Variants in BRIP1 observed in about 807,000 individuals in gnomAD.
BRIP1 encodes BRCA1 interacting DNA helicase 1.
A neutral mutation model predicts 119.7 loss-of-function variants in BRIP1; 88 were observed. That is an observed-to-expected ratio of 0.74 (90% confidence interval 0.62 to 0.88). The LOEUF (loss-of-function observed/expected upper bound fraction) is 0.88, where lower values mean the gene tolerates loss of function less well. Ranked by LOEUF, BRIP1 falls within the 40% of genes least tolerant of loss-of-function variation. BRIP1 has a pLI of 0.00. For missense variants in BRIP1, 1,259 were observed against 1,455.4 expected (o/e 0.87, Z 2.20); for synonymous variants, 443 against 496.5 (o/e 0.89, Z 1.43).
intron 10 of BRIP1, among the ~76,000 whole-genome samples, chr17:61,788,078 T>C: frequency 6.6e-6 from 1 of 152,200 alleles, no homozygotes; most frequent in South Asian, 2.1e-4. Flanking sequence ...AATATGGTTA[T>C]CTACATGGAA....
intron 17 of BRIP1, among the ~76,000 whole-genome samples, chr17:61,707,761 G>T (rs1449855811): frequency 6.6e-6 from 1 of 151,846 alleles, no homozygotes; most frequent in African/African-American, 2.4e-5. Context: ...TCCTATCTGG[G>T]GGTTGGCAAA....
At chr17:61,800,952 G>GT (rs1257063808) in intron 8 of BRIP1, among the ~76,000 whole-genome samples, 1 of 152,110 alleles carries the variant, frequency 6.6e-6, no homozygotes, top group Non-Finnish European at 1.5e-5. Flanking sequence ...TCAAAACATA[G>GT]TTTTTTCAGA....
chr17:61,744,835 T>C lies in BRIP1; in HGVS notation c.2098-244A>G, dbSNP rs1297557361. 6.6e-6 allele frequency among the ~76,000 whole-genome samples: 1 copy of C among 150,894 alleles called. No individual in the cohort carries two copies. The highest frequency in any genetic ancestry group is 6.6e-5 in the Admixed American group (1 of 15,152). On this transcript the variant is annotated intron_variant, in intron 14 of 19. Transcript: ENST00000259008. The surrounding 1 kb of genome is among the most constrained non-coding windows in gnomAD (Gnocchi z 5.0). ...TGCTGCTGCTACTACTACTATTATCTTGGCAATTTCTACCACTACTACTGC... is the reference window on the plus strand; with the variant it reads ...TGCTGCTGCTACTACTACTATTATCCTGGCAATTTCTACCACTACTACTGC...
In BRIP1 at chr17:61,710,442, A is replaced by T. The variant is rs2061753986; in HGVS notation, c.2492+5509T>A. Reference sequence around the variant, plus strand: ...AGATATGTGCTATAATACAGATAGCAACCAAAATGCTATAGGTTTACTAAG... The same window carrying T: ...AGATATGTGCTATAATACAGATAGCTACCAAAATGCTATAGGTTTACTAAG... On this transcript the variant is annotated intron_variant, in intron 17 of 19. Transcript: ENST00000259008. The surrounding 1 kb of genome is among the most constrained non-coding windows in gnomAD (Gnocchi z 5.4). Among the ~76,000 whole-genome samples the T allele has an allele frequency of 6.6e-6, 1 of 152,236 alleles. No homozygotes were observed. Among genetic ancestry groups the T allele is most frequent in the Non-Finnish European group, 1.5e-5 (1 of 68,030 alleles).
Position 61,760,107 on chromosome 17 carries a change from G to A in BRIP1, c.2098-15516C>T, listed in dbSNP as rs1243328082. On this transcript the variant is annotated intron_variant, in intron 14 of 19. Coordinates refer to ENST00000259008, the MANE Select transcript of BRIP1 (RefSeq NM_032043.3). This position sits in a 1 kb window ranked among gnomAD's most constrained non-coding sequence, Gnocchi z 4.6. The stretch of plus-strand genomic sequence containing the variant: ...TCAAGTATCTTTGCTGGCCACAATG[G>A]TATAAAACTAGAAATGAGTAACAGG... Among the ~76,000 whole-genome samples the A allele has an allele frequency of 6.6e-6, 1 of 151,832 alleles. No homozygotes were observed. Among genetic ancestry groups the A allele is most frequent in the African/African-American group, 2.4e-5 (1 of 41,370 alleles).
rs139944744 is a variant in BRIP1 at position 61,755,873 on chromosome 17, G to A, written c.2098-11282C>T. On this transcript the variant is annotated intron_variant, in intron 14 of 19. Coordinates refer to ENST00000259008, the MANE Select transcript of BRIP1 (RefSeq NM_032043.3). The surrounding 1 kb of genome is among the most constrained non-coding windows in gnomAD (Gnocchi z 4.5). ...ACAATTTGGAAGGTCTGACGAAGTGGTATGTCCTCTGGGTCTATCCGGATT... is the reference window on the plus strand; with the variant it reads ...ACAATTTGGAAGGTCTGACGAAGTGATATGTCCTCTGGGTCTATCCGGATT... Among the ~76,000 whole-genome samples, 574 of 152,330 alleles carry A rather than the reference G, an allele frequency of 3.8e-3. 4 individuals are homozygous for A. Among genetic ancestry groups the A allele is most frequent in the African/African-American group, 0.013 (548 of 41,568 alleles).
At position 61,725,957 on chromosome 17, in the gene BRIP1, G is replaced by T. The variant is rs2076760762; in HGVS notation, c.2380-9894C>A. On this transcript the variant is annotated intron_variant, in intron 16 of 19. Transcript: ENST00000259008. The surrounding 1 kb of genome is among the most constrained non-coding windows in gnomAD (Gnocchi z 5.3). ...ATTCTTTTTAAGAGTAATGACCTTT[G>T]TGTCAATTTAGGTAGGTTATCCATG... is the stretch of plus-strand genomic sequence containing the variant. Among the ~76,000 whole-genome samples the T allele has an allele frequency of 6.6e-6, 1 of 152,092 alleles. No homozygotes were observed. The highest frequency in any genetic ancestry group is 6.5e-5 in the Admixed American group (1 of 15,276).
intron 6 of BRIP1, among the ~76,000 whole-genome samples, chr17:61,838,306 CGCCTCA>C (rs1341375772): frequency 2.6e-5 from 4 of 151,838 alleles, no homozygotes; most frequent in Admixed American, 6.6e-5. Flanking sequence ...GTGATCCGCC[CGCCTCA>C]GCCTCCCAAA....
In BRIP1 at chr17:61,808,701, C is replaced by T. The variant is rs876659909; in HGVS notation, c.684G>A (p.Glu228=). The change falls in exon 7 of 20, where the codon GAG becomes GAA. Residue 228 remains glutamate, a synonymous_variant. Coordinates refer to ENST00000259008, the MANE Select transcript of BRIP1 (RefSeq NM_032043.3). The surrounding 1 kb of genome is among the most constrained non-coding windows in gnomAD (Gnocchi z 4.1). ...GATCCTTCTTAATGGTATTCGATGA[C>T]TCTTGACTGTTTCCTTGTTTAGTAG... ...CCSTKQGNSQ[E]SSNTIKKDHT... The T allele has an allele frequency of 1.2e-6, 2 of 1,613,794 alleles. No individual in the cohort carries two copies. The highest frequency in any genetic ancestry group is 2.7e-5 in the African/African-American group (2 of 74,890).
Position 61,769,508 on chromosome 17 carries a change from G to T in BRIP1, c.2097+6893C>A, listed in dbSNP as rs921582915. Among the ~76,000 whole-genome samples, 5 of 152,084 alleles carry T rather than the reference G, an allele frequency of 3.3e-5. No homozygotes were observed. The highest frequency in any genetic ancestry group is 1.2e-4 in the African/African-American group (5 of 41,400). On this transcript the variant is annotated intron_variant, in intron 14 of 19. Coordinates refer to ENST00000259008, the MANE Select transcript of BRIP1 (RefSeq NM_032043.3). This position sits in a 1 kb window ranked among gnomAD's most constrained non-coding sequence, Gnocchi z 4.9. ...CTGTACTATGTGAGAATTGACAACG[G>T]TACTGACAAAAGATTATAATAATGT...
At position 61,780,299 on chromosome 17, in the gene BRIP1, T is replaced by G. The variant is rs765314472; in HGVS notation, c.1897A>C (p.Ile633Leu). Reference protein sequence around the residue: ...FSSELGVTFTIQLEANHIIKN... With the variant: ...FSSELGVTFTLQLEANHIIKN... ...ATGATATGATTAGCCTCCAGCTGGA[T>G]AGTAAATGTAACACCAAGTTCTGAC... is the stretch of plus-strand genomic sequence containing the variant. Residue 633 changes from isoleucine to leucine, a missense_variant, in exon 13 of 20, where the codon ATC (isoleucine) becomes CTC (leucine). Around this residue, in one of 3 missense-constraint regions of BRIP1, gnomAD observed 753 missense variants for 891.8 expected, o/e 0.84. Transcript: ENST00000259008. This position sits in a 1 kb window ranked among gnomAD's most constrained non-coding sequence, Gnocchi z 5.4. 2.2e-5 allele frequency: 36 copies of G among 1,613,062 alleles called. No homozygotes were observed. The South Asian group carries it at 3.5e-4, about 16-fold the overall frequency.
At chr17:61,694,296 TAG>T (rs919687018) in intron 17 of BRIP1, among the ~76,000 whole-genome samples, 1 of 152,072 alleles carries the variant, frequency 6.6e-6, no homozygotes, top group Non-Finnish European at 1.5e-5. Flanking sequence ...TTTCTGTCCT[TAG>T]AGAGTTGCCA....
Position 61,706,053 on chromosome 17 carries a change from G to A in BRIP1, c.2492+9898C>T, listed in dbSNP as rs892666229. The stretch of plus-strand genomic sequence containing the variant: ...GTGTATTTTTCTATTTTTCTCTTCA[G>A]ATCTGTCAGTTTTTGCTTCATGTAT... On this transcript the variant is annotated intron_variant, in intron 17 of 19. Coordinates refer to ENST00000259008, the MANE Select transcript of BRIP1 (RefSeq NM_032043.3). The surrounding 1 kb of genome is among the most constrained non-coding windows in gnomAD (Gnocchi z 5.7). 1.4e-4 allele frequency among the ~76,000 whole-genome samples: 22 copies of A among 152,086 alleles called. No individual in the cohort carries two copies. The highest frequency in any genetic ancestry group is 5.3e-4 in the African/African-American group (22 of 41,436).
rs1378822732 is a variant in BRIP1 at position 61,729,591 on chromosome 17, G to T, written c.2379+13422C>A. On this transcript the variant is annotated intron_variant, in intron 16 of 19. Transcript: ENST00000259008. This position sits in a 1 kb window ranked among gnomAD's most constrained non-coding sequence, Gnocchi z 5.6. ...CCTGTCAGAAGCAGGGGCTAGAAGT[G>T]GGGTGCAGGCCAAAAGACTGTTATA... 6.6e-6 allele frequency among the ~76,000 whole-genome samples: 1 copy of T among 152,118 alleles called. No homozygotes were observed. The highest frequency in any genetic ancestry group is 1.9e-4 in the East Asian group (1 of 5,196).
intron 11 of BRIP1, among the ~76,000 whole-genome samples, chr17:61,782,665 C>A (rs567769181): frequency 6.1e-4 from 93 of 151,498 alleles, no homozygotes; most frequent in Non-Finnish European, 1.0e-3. Context: ...ACAACAACAA[C>A]AAAAAAACCC....
At position 61,775,049 on chromosome 17, in the gene BRIP1, C is replaced by T. The variant is rs559829963; in HGVS notation, c.2097+1352G>A. Among the ~76,000 whole-genome samples, 1 of 152,202 alleles carries T rather than the reference C, an allele frequency of 6.6e-6. No individual in the cohort carries two copies. The highest frequency in any genetic ancestry group is 2.1e-4 in the South Asian group (1 of 4,820). On this transcript the variant is annotated intron_variant, in intron 14 of 19. Transcript: ENST00000259008. The surrounding 1 kb of genome is among the most constrained non-coding windows in gnomAD (Gnocchi z 4.4). ...ATAATCCCATAAATAACTTTTCTTC[C>T]AATTTCCCGGAAGATATTTGTCTCC... is the stretch of plus-strand genomic sequence containing the variant.
chr17:61,783,697 CA>C (rs1332466529), intron 11 of BRIP1: 1 of 151,838 alleles, frequency 6.6e-6, no homozygotes, highest in Non-Finnish European at 1.5e-5. Context: ...ACTGTAGGAA[CA>C]TAAGAAAACT....
Position 61,708,648 on chromosome 17 carries a change from G to GT in BRIP1, c.2492+7302dup, listed in dbSNP as rs568829724. Among the ~76,000 whole-genome samples the GT allele has an allele frequency of 6.4e-4, 98 of 152,256 alleles. No homozygotes were observed. The highest frequency in any genetic ancestry group is 1.2e-3 in the Non-Finnish European group (85 of 68,020). On this transcript the variant is annotated intron_variant, in intron 17 of 19. Transcript: ENST00000259008. This position sits in a 1 kb window ranked among gnomAD's most constrained non-coding sequence, Gnocchi z 4.4. Reference sequence around the variant, plus strand: ...TGTTTTGTTGTTGTTGTTTTGGTCTGTTTTTCATGTTACAGACTTTCTTTG... The same window carrying GT: ...TGTTTTGTTGTTGTTGTTTTGGTCTGTTTTTTCATGTTACAGACTTTCTTTG...
rs1413593510 is a variant in BRIP1 at position 61,769,012 on chromosome 17, T to C, written c.2097+7389A>G. On this transcript the variant is annotated intron_variant, in intron 14 of 19. Coordinates refer to ENST00000259008, the MANE Select transcript of BRIP1 (RefSeq NM_032043.3). The surrounding 1 kb of genome is among the most constrained non-coding windows in gnomAD (Gnocchi z 4.9). ...GAGGGCGATATGACTAGGACCTGAA[T>C]GCAACCTTTAAGACCTAAGAGTCAT... Among the ~76,000 whole-genome samples the C allele has an allele frequency of 6.6e-6, 1 of 152,092 alleles. No individual in the cohort carries two copies. The highest frequency in any genetic ancestry group is 2.4e-5 in the African/African-American group (1 of 41,426).
Sources: allele counts gnomAD v4.1 joint callset (sites outside exome capture counted in the v4.1 genomes callset), GRCh38; gene constraint gnomAD v4.1.1; regional missense constraint gnomAD v4.1.1; non-coding constraint Gnocchi (gnomAD v3.1); transcripts MANE v1.5; gene names NCBI Gene and HGNC (gene_info 2026-07-23, HGNC 2026-07-21).